Variants in CAST observed in about 807,000 individuals in gnomAD.
CAST encodes MIR583 host.
A neutral mutation model predicts 119.6 loss-of-function variants in CAST; 76 were observed. The ratio of observed to expected loss-of-function variants is 0.64; its 90% CI spans 0.53 to 0.77. CAST has a LOEUF of 0.77. Ranked by LOEUF, CAST falls within the 30% of genes least tolerant of loss-of-function variation. The pLI, the probability that CAST is intolerant of heterozygous loss-of-function variation, is 0.00. For synonymous variants in CAST, 319 were observed against 331.6 expected (o/e 0.96, Z 0.41); for missense variants, 953 against 946.5 (o/e 1.01, Z -0.09).
chr5:96,132,419 A>G, the CAST span, among the ~76,000 whole-genome samples: 2 of 152,054 alleles, frequency 1.3e-5, no homozygotes, highest in Non-Finnish European at 2.9e-5. Flanking sequence ...AGAATATTTC[A>G]AATCTTTTCT....
At chr5:96,412,524 T>C in the CAST span, 6 of 1,585,538 alleles carry the variant, frequency 3.8e-6, no homozygotes, top group South Asian at 6.6e-5. Context: ...CACACAAAGG[T>C]TGATGTCAGT....
chr5:96,603,713 T>C (rs1409188824), intron 1 of CAST, among the ~76,000 whole-genome samples: 2 of 151,238 alleles, frequency 1.3e-5, no homozygotes, highest in African/African-American at 4.8e-5. Flanking sequence ...TGTTACACAG[T>C]CATTATCAAG....
At chr5:96,116,926 C>T in the CAST span, among the ~76,000 whole-genome samples, 18 of 152,102 alleles carry the variant, frequency 1.2e-4, no homozygotes, top group South Asian at 1.7e-3. Context: ...TTTTATTATG[C>T]ATAGAAGGCT....
the CAST span, among the ~76,000 whole-genome samples, chr5:96,006,832 T>TTTTTATA: frequency 3.3e-5 from 5 of 152,302 alleles, no homozygotes; most frequent in Middle Eastern, 6.8e-3. Flanking sequence ...TTCAAATTCT[T>TTTTTATA]TTTTATATTT....
chr5:96,610,933 C>T (rs919382376), intron 1 of CAST, among the ~76,000 whole-genome samples: 2 of 151,878 alleles, frequency 1.3e-5, no homozygotes, highest in Non-Finnish European at 2.9e-5. Flanking sequence ...CACACACATA[C>T]ACACACACAC....
At chr5:96,729,097 A>AAC in intron 6 of CAST, 56 bp from the exon 7 acceptor site, 9 of 1,053,322 alleles carry the variant, frequency 8.5e-6, no homozygotes, top group Non-Finnish European at 1.2e-5. Context: ...TTCTTGTTTG[A>AAC]AAGTATTACA....
rs1217475016 is a variant in CAST, at chr5:96,662,452, C to T, written c.30C>T (p.Ala10=). 8 of 1,439,724 alleles carry T rather than the reference C, an allele frequency of 5.6e-6. No individual in the cohort carries two copies. The highest frequency in any genetic ancestry group is 7.3e-6 in the Non-Finnish European group (8 of 1,101,364). The allele number at this position is 1,439,724 out of a possible 1,614,324, so 89.2% of individuals were successfully genotyped here. Residue 10 remains alanine (A), a synonymous_variant, in exon 1 of 32, where the codon GCC becomes GCT. Transcript: ENST00000675179. ...CCCAGCCCGGCCAGAAGCCCGCCGCCTCCCCGCGGCCCCGGCGAGCAGCCG... is the reference window on the plus strand; with the variant it reads ...CCCAGCCCGGCCAGAAGCCCGCCGCTTCCCCGCGGCCCCGGCGAGCAGCCG... The part of the protein sequence containing the change: MSQPGQKPA[A]SPRPRRAAAA...
the CAST span, among the ~76,000 whole-genome samples, chr5:96,129,103 C>T: frequency 2.0e-5 from 3 of 152,194 alleles, no homozygotes; most frequent in Middle Eastern, 6.8e-3. Context: ...CCATTTTGCA[C>T]TCTTCTCTAT....
At chr5:96,157,480 A>T in the CAST span, among the ~76,000 whole-genome samples, 13 of 152,252 alleles carry the variant, frequency 8.5e-5, no homozygotes, top group Non-Finnish European at 1.6e-4. Context: ...AAGTATACTC[A>T]CTGGCACTAA....
chr5:96,603,156 CGGA>C (rs1340593432), intron 1 of CAST, among the ~76,000 whole-genome samples: 1 of 152,070 alleles, frequency 6.6e-6, no homozygotes, highest in Non-Finnish European at 1.5e-5. Context: ...AAATGAAGAA[CGGA>C]GGATCTCTAA....
chr5:96,595,943 A>G (rs1331191000), intron 1 of CAST, among the ~76,000 whole-genome samples: 1 of 152,158 alleles, frequency 6.6e-6, no homozygotes, highest in African/African-American at 2.4e-5. Context: ...CTGGATGTTC[A>G]AGGAAAAAAT....
chr5:96,280,047 C>T, the CAST span, among the ~76,000 whole-genome samples: 965 of 152,260 alleles, frequency 6.3e-3, 11 homozygotes, highest in South Asian at 0.035. Flanking sequence ...AAACCATTTC[C>T]GTTTGCTTGA....
chr5:96,704,236 G>A (rs1412066443), intron 3 of CAST, among the ~76,000 whole-genome samples: 1 of 152,204 alleles, frequency 6.6e-6, no homozygotes, highest in East Asian at 1.9e-4. Context: ...AATATTGGCT[G>A]TGGTTCAGTT....
the CAST span, among the ~76,000 whole-genome samples, chr5:96,202,836 T>C: frequency 1.3e-5 from 2 of 152,080 alleles, no homozygotes; most frequent in African/African-American, 4.8e-5. Context: ...TGAACTGAGA[T>C]GTATTTGTTG....
At chr5:96,039,327 C>T in the CAST span, among the ~76,000 whole-genome samples, 14 of 151,910 alleles carry the variant, frequency 9.2e-5, no homozygotes, top group South Asian at 6.2e-4. Flanking sequence ...GTAGGTTGTC[C>T]GTTCATGCTG....
chr5:96,066,626 A>G, the CAST span, among the ~76,000 whole-genome samples: 2 of 152,026 alleles, frequency 1.3e-5, no homozygotes, highest in East Asian at 3.9e-4. Flanking sequence ...TTAATTATAT[A>G]ATTTCTGATC....
chr5:96,672,382 G>T (rs1051674450), intron 1 of CAST, among the ~76,000 whole-genome samples: 1 of 152,092 alleles, frequency 6.6e-6, no homozygotes, highest in South Asian at 2.1e-4. Context: ...TTTTCTGTCC[G>T]TTGGAAATTT....
chr5:96,770,675 T>C, intron 30 of CAST, 73 bp downstream of exon 30: 2 of 1,008,678 alleles, frequency 2.0e-6, no homozygotes, highest in Non-Finnish European at 3.1e-6. Flanking sequence ...TTTCAGTCAT[T>C]TAGTTTCCTA....
At chr5:96,364,498 A>G in the CAST span, among the ~76,000 whole-genome samples, 1 of 152,230 alleles carries the variant, frequency 6.6e-6, no homozygotes, top group Non-Finnish European at 1.5e-5. Flanking sequence ...CCTCAACTTC[A>G]GAGCCTGTTA....
Sources: gnomAD v4.1 joint callset for allele counts (sites outside exome capture counted in the v4.1 genomes callset) on GRCh38, gnomAD v4.1.1 for gene constraint, MANE v1.5 for transcripts, NCBI Gene and HGNC (gene_info 2026-07-23, HGNC 2026-07-21) for gene names.